GALNT11: variants seen among roughly 807,000 people sequenced by gnomAD.
GALNT11 encodes the protein UDP-GalNAc:polypeptide N-acetylgalactosaminyltransferase 11.
GALNT11 carries 47 observed loss-of-function variants against 72.7 expected under a neutral mutation model. That is an observed-to-expected ratio of 0.65 (90% CI 0.51 to 0.82). GALNT11 has a LOEUF of 0.82. Among genes scored for constraint, GALNT11 ranks in the 40% least tolerant of loss-of-function variants. GALNT11 has a pLI of 0.00. For missense variants in GALNT11, 677 were observed against 778.4 expected (o/e 0.87, Z 1.55); for synonymous variants, 270 against 286.6 (o/e 0.94, Z 0.58).
Position 152,103,085 on chromosome 7 carries a change from A to G in GALNT11, c.420-27A>G, listed in dbSNP as rs751694234. On this transcript the variant is annotated intron_variant, in intron 3 of 11. Coordinates refer to ENST00000430044, the MANE Select transcript of GALNT11 (RefSeq NM_022087.4). ...AACCATTCGAGCCTTTTAAAATGTC[A>G]GAATTTCCTCATCTTTATCTTTACA... The G allele has an allele frequency of 2.5e-6, 4 of 1,581,124 alleles. No homozygotes were observed. In the African/African-American group the frequency reaches 4.0e-5, roughly 16 times the overall value.
At chr7:152,106,199 T>A (rs561827008) in intron 5 of GALNT11, among the ~76,000 whole-genome samples, 16 of 152,282 alleles carry the variant, frequency 1.1e-4, no homozygotes, top group African/African-American at 2.9e-4. Context: ...GGCGAAAAAA[T>A]TTTGAAAATC....
intron 1 of GALNT11, among the ~76,000 whole-genome samples, chr7:152,084,287 C>T (rs2085495170): frequency 6.6e-6 from 1 of 150,482 alleles, no homozygotes; most frequent in African/African-American, 2.5e-5. Flanking sequence ...CACCTGTAAT[C>T]CCAGCTATTC....
chr7:152,045,905 A>G (rs746456725), intron 1 of GALNT11, among the ~76,000 whole-genome samples: 36 of 151,774 alleles, frequency 2.4e-4, no homozygotes, highest in Non-Finnish European at 5.2e-4. Flanking sequence ...GAGTTTTTCT[A>G]CTTTTTTGAT....
intron 1 of GALNT11, among the ~76,000 whole-genome samples, chr7:152,039,987 C>T (rs1200182742): frequency 1.3e-5 from 2 of 151,988 alleles, no homozygotes; most frequent in Admixed American, 6.6e-5. Flanking sequence ...TAATCCATTT[C>T]CCCCTTTCTG....
At chr7:152,048,195 T>C (rs927826047) in intron 1 of GALNT11, among the ~76,000 whole-genome samples, 1 of 152,046 alleles carries the variant, frequency 6.6e-6, no homozygotes, top group Admixed American at 6.5e-5. Flanking sequence ...AAGATAAAAG[T>C]TTTTTCCTTC....
At chr7:152,056,370 A>G (rs1050019834) in intron 1 of GALNT11, among the ~76,000 whole-genome samples, 8 of 152,230 alleles carry the variant, frequency 5.3e-5, no homozygotes, top group Non-Finnish European at 2.9e-5. Context: ...GTCTTCAGAC[A>G]CTGCCTAAAG....
At chr7:152,032,312 A>G (rs546788476) in intron 1 of GALNT11, among the ~76,000 whole-genome samples, 1 of 152,274 alleles carries the variant, frequency 6.6e-6, no homozygotes, top group East Asian at 1.9e-4. Context: ...AAAGGCAAAG[A>G]GAAACTGGGA....
At chr7:152,086,601 AG>A (rs1010607709) in intron 1 of GALNT11, among the ~76,000 whole-genome samples, 2 of 152,230 alleles carry the variant, frequency 1.3e-5, no homozygotes, top group African/African-American at 4.8e-5. Context: ...AGGATGAGCC[AG>A]GGTGGTTATT....
intron 2 of GALNT11, 26 bp from the exon 3 acceptor site, chr7:152,100,772 C>G (rs200793325): frequency 6.2e-7 from 1 of 1,610,296 alleles, no homozygotes; most frequent in Admixed American, 1.7e-5. Context: ...AGATTTAATT[C>G]GCTGACTAAC....
In GALNT11 at chr7:152,105,233, CTTTAT is replaced by C; in HGVS notation, c.587-8_587-4del. ...TCATACAGTTTGAATAATTGTGGGA[CTTTAT>C]TTTCAGATGATTTGAAAGGAGAACT... is the stretch of plus-strand genomic sequence containing the variant. On this transcript the variant is annotated splice_region_variant and splice_polypyrimidine_tract_variant and intron_variant, in intron 4 of 11. Transcript: ENST00000430044. The C allele has an allele frequency of 6.2e-7, 1 of 1,611,094 alleles. No individual in the cohort carries two copies. Among genetic ancestry groups the C allele is most frequent in the South Asian group, 1.1e-5 (1 of 90,568 alleles).
chr7:152,117,483 A>G lies in GALNT11; in HGVS notation c.1452+108A>G. 6.6e-6 allele frequency: 7 copies of G among 1,059,532 alleles called. No homozygotes were observed. In the South Asian group the frequency reaches 8.8e-5, roughly 13 times the overall value. 65.6% of individuals were successfully genotyped at this position (1,059,532 alleles called of 1,614,324 possible). A position where few individuals can be genotyped will look rare whatever the true frequency, so the allele number is the denominator to read the frequency against. Reference sequence around the variant, plus strand: ...GACACTGTGGACTTAACAGAGTGTAATGACAGGCTTCAGCTTGCCTTTCAT... The same window carrying G: ...GACACTGTGGACTTAACAGAGTGTAGTGACAGGCTTCAGCTTGCCTTTCAT... On this transcript the variant is annotated intron_variant, in intron 9 of 11. Coordinates refer to ENST00000430044, the MANE Select transcript of GALNT11 (RefSeq NM_022087.4).
intron 1 of GALNT11, among the ~76,000 whole-genome samples, chr7:152,052,258 T>G (rs540891180): frequency 6.6e-6 from 1 of 152,260 alleles, no homozygotes; most frequent in African/African-American, 2.4e-5. Flanking sequence ...ATTCATCCCC[T>G]AGGATATTGG....
At chr7:152,058,234 C>T (rs531460519) in intron 1 of GALNT11, among the ~76,000 whole-genome samples, 1 of 152,264 alleles carries the variant, frequency 6.6e-6, no homozygotes, top group East Asian at 1.9e-4. Context: ...TCATCTGAGC[C>T]TTCAGTGAGT....
At chr7:152,031,429 G>A (rs1206420320) in intron 1 of GALNT11, among the ~76,000 whole-genome samples, 1 of 152,232 alleles carries the variant, frequency 6.6e-6, no homozygotes, top group African/African-American at 2.4e-5. Context: ...GGTCCCTCAA[G>A]GAGTAGTGCC....
Position 152,091,729 on chromosome 7 carries a change from A to G in GALNT11, c.-38-2461A>G, listed in dbSNP as rs112927966. ...GAAGAGGTCATCACATCAGTCCTGG[A>G]TGATGATGAAATTGAGGGTGGGGCA... On this transcript the variant is annotated intron_variant, in intron 1 of 11. Transcript: ENST00000430044. 4.8e-3 allele frequency among the ~76,000 whole-genome samples: 725 copies of G among 152,256 alleles called. 6 individuals carry two copies. The highest frequency in any genetic ancestry group is 5.0e-3 in the Non-Finnish European group (341 of 68,028).
chr7:152,084,178 T>C (rs929702986), intron 1 of GALNT11, among the ~76,000 whole-genome samples: 1 of 151,952 alleles, frequency 6.6e-6, no homozygotes, highest in Admixed American at 6.6e-5. Context: ...GGGGTTTTTT[T>C]GGGGAACTCT....
At chr7:152,109,040 T>C (rs1223308018) in intron 6 of GALNT11, among the ~76,000 whole-genome samples, 1 of 152,242 alleles carries the variant, frequency 6.6e-6, no homozygotes, top group Non-Finnish European at 1.5e-5. Flanking sequence ...AACAATATTG[T>C]ATATTGTTAT....
At chr7:152,104,244 G>A (rs962288599) in intron 4 of GALNT11, 4 of 152,220 alleles carry the variant, frequency 2.6e-5, no homozygotes, top group Non-Finnish European at 5.9e-5. Flanking sequence ...GAGACCTCTG[G>A]TCTGCATAGC....
intron 1 of GALNT11, among the ~76,000 whole-genome samples, chr7:152,083,989 AGTCTTTGTCAG>A (rs1228914616): frequency 1.3e-5 from 2 of 152,188 alleles, no homozygotes; most frequent in African/African-American, 4.8e-5. Flanking sequence ...GGGGAGGTTC[AGTCTTTGTCAG>A]GTCTTTGAAA....
Sources: allele counts gnomAD v4.1 joint callset (sites outside exome capture counted in the v4.1 genomes callset), GRCh38; gene constraint gnomAD v4.1.1; transcripts MANE v1.5; gene names NCBI Gene and HGNC (gene_info 2026-07-23, HGNC 2026-07-21).